ARHGEF4: variants seen among roughly 807,000 people sequenced by gnomAD.
ARHGEF4 encodes the protein APC-stimulated guanine nucleotide exchange factor 1.
A neutral mutation model predicts 162.0 loss-of-function variants in ARHGEF4; 119 were observed. The ratio of observed to expected loss-of-function variants is 0.73; its 90% CI spans 0.63 to 0.86. The LOEUF is 0.86. Among genes scored for constraint, ARHGEF4 ranks in the 40% least tolerant of loss-of-function variants. The pLI, the probability that ARHGEF4 is intolerant of heterozygous loss-of-function variation, is 0.00. For synonymous variants in ARHGEF4, 1,014 were observed against 979.9 expected (o/e 1.03, Z -0.65); for missense variants, 2,488 against 2,456.0 (o/e 1.01, Z -0.28).
chr2:131,007,310 T>G (rs1041967726), intron 4 of ARHGEF4, among the ~76,000 whole-genome samples: 14 of 152,314 alleles, frequency 9.2e-5, no homozygotes, highest in African/African-American at 3.4e-4. Flanking sequence ...AATGCTGAAT[T>G]TATGTCCCTG....
At chr2:130,866,023 G>A (rs1682248107) in intron 1 of ARHGEF4, among the ~76,000 whole-genome samples, 1 of 152,114 alleles carries the variant, frequency 6.6e-6, no homozygotes, top group African/African-American at 2.4e-5. Flanking sequence ...TTTTCTTCAT[G>A]TGCTGCTAAG....
chr2:130,970,444 C>G (rs1426853018), intron 4 of ARHGEF4, among the ~76,000 whole-genome samples: 1 of 152,028 alleles, frequency 6.6e-6, no homozygotes, highest in East Asian at 1.9e-4. Flanking sequence ...CAAAAATTAG[C>G]CGGGCATGGT....
Position 130,916,329 on chromosome 2 carries a change from TC to T in ARHGEF4, c.2385del (p.Lys796ArgfsTer2), listed in dbSNP as rs1681492799. On this transcript the variant is annotated frameshift_variant, in exon 2 of 14. Transcript: ENST00000409359. LOFTEE classifies it high-confidence loss of function. Reference protein sequence around the residue: ...AQEPGKRPTFSKVTSFRKGRP... With the variant: ...AQEPGKRPTFXKVTSFRKGRP... Reference sequence around the variant, plus strand: ...GGAGCCTGGGAAGCGCCCGACGTTTTCCAAGGTGACCTCCTTCAGGAAGGGC... The same window carrying T: ...GGAGCCTGGGAAGCGCCCGACGTTTTCAAGGTGACCTCCTTCAGGAAGGGC... 3 of 1,543,062 alleles carry T rather than the reference TC, an allele frequency of 1.9e-6. No individual in the cohort carries two copies. The highest frequency in any genetic ancestry group is 2.6e-6 in the Non-Finnish European group (3 of 1,145,200).
At chr2:130,979,380 C>T (rs1040459984) in intron 4 of ARHGEF4, among the ~76,000 whole-genome samples, 5 of 152,174 alleles carry the variant, frequency 3.3e-5, no homozygotes, top group African/African-American at 1.2e-4. Context: ...CCATGTCTCT[C>T]TTGAACTTCA....
chr2:130,931,371 C>A, intron 3 of ARHGEF4, 114 bp downstream of exon 3: 1 of 1,182,724 alleles, frequency 8.5e-7, no homozygotes, highest in Non-Finnish European at 1.2e-6. Context: ...AACTTGTCAC[C>A]CTGGGCCCCC....
At chr2:130,910,193 T>G (rs565823832) in intron 1 of ARHGEF4, among the ~76,000 whole-genome samples, 1 of 152,160 alleles carries the variant, frequency 6.6e-6, no homozygotes, top group East Asian at 1.9e-4. Flanking sequence ...ACCCCAGAAC[T>G]TAAGGTATAA....
chr2:130,857,132 T>C (rs185460166), intron 1 of ARHGEF4, among the ~76,000 whole-genome samples: 104 of 152,140 alleles, frequency 6.8e-4, no homozygotes, highest in Middle Eastern at 3.4e-3. Context: ...CTTGGGAGGC[T>C]GAGGCAGAAG....
At chr2:130,867,937 T>C (rs71428538) in intron 1 of ARHGEF4, among the ~76,000 whole-genome samples, 1 of 118,422 alleles carries the variant, frequency 8.4e-6, no homozygotes, top group African/African-American at 3.9e-5. Flanking sequence ...TTTTTTTTTC[T>C]TTTTTTTTTT....
At position 130,850,978 on chromosome 2, in the gene ARHGEF4, C is replaced by T. The variant is rs561819622; in HGVS notation, c.39+13986C>T. ...TATAGCCTGGGCAGCCCCCGAGTTCCGACTTTGGGCCGTTCACTCAGCTCC... is the reference window on the plus strand; with the variant it reads ...TATAGCCTGGGCAGCCCCCGAGTTCTGACTTTGGGCCGTTCACTCAGCTCC... On this transcript the variant is annotated intron_variant, in intron 1 of 13. Coordinates refer to ENST00000409359, the MANE Select transcript of ARHGEF4 (RefSeq NM_001367493.1). Among the ~76,000 whole-genome samples the T allele has an allele frequency of 4.6e-5, 7 of 152,366 alleles. No individual in the cohort carries two copies. The South Asian group carries it at 1.2e-3, about 27-fold the overall frequency.
intron 1 of ARHGEF4, among the ~76,000 whole-genome samples, chr2:130,856,162 A>G (rs1231921444): frequency 2.0e-5 from 3 of 152,240 alleles, no homozygotes; most frequent in Non-Finnish European, 2.9e-5. Context: ...GTCTCTTCAA[A>G]TACATAATAT....
chr2:130,931,243 A>C lies in ARHGEF4; in HGVS notation c.3844A>C (p.Lys1282Gln). ...ERRLHIGAVH[K>Q]DGVKCWRKTI... is the part of the protein sequence containing the mutation. ...GAGGCTGCACATAGGGGCAGTGCAC[A>C]AAGATGGAGTCAAGGTAAGCCACTC... The change falls in exon 3 of 14, where the codon AAA becomes CAA. Residue 1282 changes from lysine to glutamine, a missense_variant. Lys to Gln is a moderately conservative substitution (Grantham distance 53). Coordinates refer to ENST00000409359, the MANE Select transcript of ARHGEF4 (RefSeq NM_001367493.1). 1 of 1,608,274 alleles carries C rather than the reference A, an allele frequency of 6.2e-7. No homozygotes were observed. The highest frequency in any genetic ancestry group is 8.5e-7 in the Non-Finnish European group (1 of 1,175,916).
At chr2:131,033,786 G>A (rs1413955589) in intron 5 of ARHGEF4, among the ~76,000 whole-genome samples, 1 of 152,174 alleles carries the variant, frequency 6.6e-6, no homozygotes. Flanking sequence ...TGAACCTTCA[G>A]ATGTGAGGGA....
chr2:130,953,540 G>A (rs979294106), intron 4 of ARHGEF4, among the ~76,000 whole-genome samples: 1 of 152,086 alleles, frequency 6.6e-6, no homozygotes, highest in Admixed American at 6.6e-5. Context: ...GGCAACAAAA[G>A]CCAAAATAGA....
At chr2:131,045,482 G>A (rs199544791) in intron 13 of ARHGEF4, 36 bp downstream of exon 13, 734 of 1,613,428 alleles carry the variant, frequency 4.5e-4, no homozygotes, top group Non-Finnish European at 5.8e-4. Flanking sequence ...TCGGCTGCCC[G>A]GTCCTTACCC....
intron 1 of ARHGEF4, among the ~76,000 whole-genome samples, chr2:130,845,883 G>A (rs1680924195): frequency 6.6e-6 from 1 of 152,242 alleles, no homozygotes; most frequent in Non-Finnish European, 1.5e-5. Flanking sequence ...CGAACCTACA[G>A]TGACAGAAAG....
intron 4 of ARHGEF4, among the ~76,000 whole-genome samples, chr2:131,021,584 A>C (rs369124039): frequency 2.0e-5 from 3 of 152,330 alleles, no homozygotes; most frequent in South Asian, 2.1e-4. Context: ...GGACTTCATG[A>C]CTAAAACACC....
chr2:130,940,348 A>C (rs897132807), intron 3 of ARHGEF4, among the ~76,000 whole-genome samples: 1 of 152,032 alleles, frequency 6.6e-6, no homozygotes, highest in African/African-American at 2.4e-5. Context: ...AGCGTAGTTC[A>C]AATAGAGGGG....
chr2:131,023,169 T>C (rs1043153609), intron 4 of ARHGEF4, among the ~76,000 whole-genome samples: 7 of 151,582 alleles, frequency 4.6e-5, no homozygotes, highest in Admixed American at 2.0e-4. Context: ...TGGTTTACAC[T>C]TGTAATCTCA....
intron 4 of ARHGEF4, among the ~76,000 whole-genome samples, chr2:130,989,181 G>A (rs1452750953): frequency 6.6e-6 from 1 of 151,966 alleles, no homozygotes; most frequent in Non-Finnish European, 1.5e-5. Context: ...GGCTGGTCTC[G>A]AACTCCTAAC....
Sources: allele counts gnomAD v4.1 joint callset (sites outside exome capture counted in the v4.1 genomes callset), GRCh38; gene constraint gnomAD v4.1.1; transcripts MANE v1.5; gene names NCBI Gene and HGNC (gene_info 2026-07-23, HGNC 2026-07-21).